PTCD1: variants seen among roughly 807,000 people sequenced by gnomAD.
The protein encoded by PTCD1 is pentatricopeptide repeat-containing protein 1, mitochondrial.
Under a neutral mutation model 53.4 loss-of-function variants are expected in PTCD1, and 50 were observed. The observed-to-expected ratio is 0.94, with a 90% confidence interval of 0.75 to 1.19. The LOEUF (loss-of-function observed/expected upper bound fraction) is 1.19. PTCD1 is among the 50% of genes most tolerant of loss of function. The probability of loss-of-function intolerance (pLI) is 0.00; values close to 1 mark genes in which losing one functional copy is unlikely to be tolerated. For synonymous variants in PTCD1, 413 were observed against 394.8 expected, an observed-to-expected ratio of 1.05 and a Z score of -0.55; for missense variants, 918 against 904.8, an observed-to-expected ratio of 1.01 and a Z score of -0.19.
At chr7:99,422,397 C>T (rs1407938607) in intron 7 of PTCD1, among the ~76,000 whole-genome samples, 2 of 152,140 alleles carry the variant, frequency 1.3e-5, no homozygotes, top group Non-Finnish European at 1.5e-5. Flanking sequence ...GAGTGTGATT[C>T]GATGGACCCA....
intron 1 of PTCD1, among the ~76,000 whole-genome samples, chr7:99,436,362 G>A (rs1584469945): frequency 2.0e-5 from 3 of 152,290 alleles, no homozygotes; most frequent in African/African-American, 7.2e-5. Flanking sequence ...GCTCACGCCT[G>A]TAATCCCAGC....
intron 6 of PTCD1, 113 bp downstream of exon 6, chr7:99,424,682 G>A: frequency 7.1e-7 from 1 of 1,399,088 alleles, no homozygotes; most frequent in Non-Finnish European, 9.8e-7. Flanking sequence ...TTTGCCCCAT[G>A]CACAGTTCAT....
chr7:99,434,237 G>A (rs1288705261), intron 2 of PTCD1, among the ~76,000 whole-genome samples: 1 of 151,814 alleles, frequency 6.6e-6, no homozygotes, highest in Non-Finnish European at 1.5e-5. Context: ...CCTGAGGTCT[G>A]GAGTTTGAGA....
chr7:99,433,138 C>T, intron 3 of PTCD1, 140 bp downstream of exon 3: 1 of 1,350,652 alleles, frequency 7.4e-7, no homozygotes. Context: ...CACCCACAAT[C>T]ACCACCATTT....
intron 5 of PTCD1, among the ~76,000 whole-genome samples, chr7:99,428,173 G>A (rs1796125379): frequency 2.0e-5 from 3 of 151,770 alleles, no homozygotes; most frequent in Admixed American, 1.3e-4. Context: ...AGAGCAAGGC[G>A]CCGGATCACG....
rs760829636 is a variant in PTCD1, at chr7:99,425,283, T to G, written c.1249A>C (p.Lys417Gln). 1.2e-5 allele frequency: 19 copies of G among 1,613,794 alleles called. No individual in the cohort carries two copies. The highest frequency in any genetic ancestry group is 8.9e-5 in the East Asian group (4 of 44,880). ...PGKAQPEVDT[K>Q]AEPSHTAALT... ...GCTGCTGTGTGGCTGGGCTCTGCCT[T>G]AGTATCCACCTCTGGTTGGGCCTTG... The change falls in exon 6 of 8, where the codon AAG becomes CAG. Residue 417 changes from lysine to glutamine, a missense_variant. Coordinates refer to ENST00000292478, the MANE Select transcript of PTCD1 (RefSeq NM_015545.4).
chr7:99,429,141 T>G lies in PTCD1; in HGVS notation c.877A>C (p.Ile293Leu), dbSNP rs1289762468. 3 of 1,614,024 alleles carry G rather than the reference T, an allele frequency of 1.9e-6. No individual in the cohort carries two copies. Among genetic ancestry groups the G allele is most frequent in the Non-Finnish European group, 2.5e-6 (3 of 1,180,022 alleles). ...CGGAAGCCTGTCTTCTTGTCTTGGA[T>G]GCAGCCCATGAGCAGGAAACTGAAG... The part of the protein sequence containing the change: ...ETFSFLLMGC[I>L]QDKKTGFRYA... Residue 293 changes from isoleucine (I) to leucine (L), a missense_variant, in exon 5 of 8, where the codon ATC (isoleucine) becomes CTC (leucine). Ile to Leu is a conservative substitution (Grantham distance 5). Coordinates refer to ENST00000292478, the MANE Select transcript of PTCD1 (RefSeq NM_015545.4).
chr7:99,417,929 C>T lies in PTCD1; in HGVS notation c.*2038G>A. ...AAGGACAACCAGTGAGTTCCTGTCC[C>T]TTTCAGTCCTCACAGTGATACTTTA... On this transcript the variant is annotated 3_prime_UTR_variant, in exon 8 of 8. Transcript: ENST00000292478. The T allele has an allele frequency of 7.9e-7, 1 of 1,272,798 alleles. No individual in the cohort carries two copies. Among genetic ancestry groups the T allele is most frequent in the Non-Finnish European group, 1.0e-6 (1 of 997,282 alleles). 78.8% of individuals were successfully genotyped at this position (1,272,798 alleles called of 1,614,324 possible).
chr7:99,437,217 T>C (rs948225586), intron 1 of PTCD1, among the ~76,000 whole-genome samples: 1 of 152,250 alleles, frequency 6.6e-6, no homozygotes, highest in African/African-American at 2.4e-5. Context: ...AGCAATGATA[T>C]TGAAATGGCA....
At chr7:99,430,832 A>T (rs1298603582) in intron 3 of PTCD1, among the ~76,000 whole-genome samples, 1 of 152,096 alleles carries the variant, frequency 6.6e-6, no homozygotes, top group African/African-American at 2.4e-5. Context: ...AGCACTTTGG[A>T]AGGCTGAGGT....
chr7:99,420,281 C>T (rs1795740493), intron 7 of PTCD1, 132 bp from the exon 8 acceptor site: 2 of 1,323,874 alleles, frequency 1.5e-6, no homozygotes, highest in African/African-American at 1.4e-5. Flanking sequence ...GAGGACAGGG[C>T]AGAAAAGCTG....
chr7:99,426,901 G>A (rs1175659841), intron 5 of PTCD1, among the ~76,000 whole-genome samples: 1 of 149,238 alleles, frequency 6.7e-6, no homozygotes, highest in Non-Finnish European at 1.5e-5. Context: ...GTCTCTGCCC[G>A]GCCGCCCCGT....
At position 99,423,775 on chromosome 7, in the gene PTCD1, C is replaced by T; in HGVS notation, c.1920G>A (p.Arg640=). The T allele has an allele frequency of 1.9e-6, 3 of 1,613,912 alleles. No individual in the cohort carries two copies. Among genetic ancestry groups the T allele is most frequent in the Non-Finnish European group, 2.5e-6 (3 of 1,179,996 alleles). ...FAAQYPPTFD[R]YQGKNTYLEK... Reference sequence around the variant, plus strand: ...GAGCTTTTGAGCTTGGGGCACACACCCGGTCAAAGGTGGGAGGGTACTGGG... The same window carrying T: ...GAGCTTTTGAGCTTGGGGCACACACTCGGTCAAAGGTGGGAGGGTACTGGG... The change falls in exon 7 of 8, where the codon CGG becomes CGA. Residue 640 remains arginine, a splice_region_variant and synonymous_variant. Coordinates refer to ENST00000292478, the MANE Select transcript of PTCD1 (RefSeq NM_015545.4).
chr7:99,432,730 C>A (rs887378695), intron 3 of PTCD1, among the ~76,000 whole-genome samples: 59 of 152,312 alleles, frequency 3.9e-4, no homozygotes, highest in Admixed American at 3.5e-3. Flanking sequence ...TCCCACCTGA[C>A]GAGAAACGCC....
intron 5 of PTCD1, among the ~76,000 whole-genome samples, chr7:99,428,541 A>C (rs1471735184): frequency 6.6e-6 from 1 of 151,914 alleles, no homozygotes; most frequent in Non-Finnish European, 1.5e-5. Context: ...CAGGAGTTCA[A>C]GACCAGCCTG....
In PTCD1 at chr7:99,435,273, A is replaced by C. The variant is rs746033748; in HGVS notation, c.-26-5T>G. 3.1e-6 allele frequency: 5 copies of C among 1,600,070 alleles called. No individual in the cohort carries two copies. Among genetic ancestry groups the C allele is most frequent in the Non-Finnish European group, 1.7e-6 (2 of 1,179,922 alleles). On this transcript the variant is annotated splice_region_variant and splice_polypyrimidine_tract_variant and intron_variant, in intron 1 of 7. Transcript: ENST00000292478. ...GCTTTCCTGTCCCTCCAGGGCCTGG[A>C]ATATATCAGGAAAAATAAGAGAGTC...
Position 99,424,963 on chromosome 7 carries a change from A to G in PTCD1, c.1569T>C (p.Phe523=). 1.2e-6 allele frequency: 2 copies of G among 1,614,152 alleles called. No homozygotes were observed. The highest frequency in any genetic ancestry group is 2.2e-5 in the East Asian group (1 of 44,884). The change falls in exon 6 of 8, where the codon TTT becomes TTC. Residue 523 remains phenylalanine (F), a synonymous_variant. Coordinates refer to ENST00000292478, the MANE Select transcript of PTCD1 (RefSeq NM_015545.4). ...TGCTCTTCTTTCTCACCAGCGTGTT[A>G]AAGAATGTCAGGTCGGCCTCTACCT... ...EHQVEADLTF[F]NTLVRKKSKL... is the part of the protein sequence containing the mutation.
Position 99,424,957 on chromosome 7 carries a change from C to T in PTCD1, c.1575G>A (p.Thr525=), listed in dbSNP as rs762427957. The T allele has an allele frequency of 3.1e-6, 5 of 1,614,138 alleles. No individual in the cohort carries two copies. The highest frequency in any genetic ancestry group is 1.7e-5 in the Admixed American group (1 of 60,014). The change falls in exon 6 of 8, where the codon ACG becomes ACA. Residue 525 remains threonine (T), a synonymous_variant. Coordinates refer to ENST00000292478, the MANE Select transcript of PTCD1 (RefSeq NM_015545.4). ...QVEADLTFFN[T]LVRKKSKLGD... is the part of the protein sequence containing the mutation. ...CCAGCTTGCTCTTCTTTCTCACCAG[C>T]GTGTTAAAGAATGTCAGGTCGGCCT...
At chr7:99,432,030 C>G (rs776023753) in intron 3 of PTCD1, among the ~76,000 whole-genome samples, 4 of 152,156 alleles carry the variant, frequency 2.6e-5, no homozygotes, top group Admixed American at 2.6e-4. Context: ...TCTCGAGTAC[C>G]CAGGGACACA....
Sources: allele counts gnomAD v4.1 joint callset (sites outside exome capture counted in the v4.1 genomes callset), GRCh38; gene constraint gnomAD v4.1.1; transcripts MANE v1.5; gene names NCBI Gene and HGNC (gene_info 2026-07-23, HGNC 2026-07-21).